ZBTB16: variants seen among roughly 807,000 people sequenced by gnomAD.
ZBTB16 encodes the protein zinc finger and BTB domain-containing protein 16.
In ZBTB16, 8 loss-of-function variants were observed where a neutral mutation model predicts 56.8. The ratio of observed to expected loss-of-function variants is 0.14; its 90% CI spans 0.08 to 0.25. The LOEUF (loss-of-function observed/expected upper bound fraction) is 0.25. ZBTB16 is among the 10% of genes least tolerant of loss of function. The pLI is 1.00. For synonymous variants in ZBTB16, 363 were observed against 368.5 expected (o/e 0.98, Z 0.17); for missense variants, 625 against 903.0 (o/e 0.69, Z 3.95).
At chr11:114,182,906 A>G (rs973714972) in intron 3 of ZBTB16, among the ~76,000 whole-genome samples, 3 of 152,186 alleles carry the variant, frequency 2.0e-5, no homozygotes, top group African/African-American at 7.2e-5. Context: ...TGAGGCCTCT[A>G]TTATCGATCA....
At chr11:114,166,105 T>C (rs1024721721) in intron 3 of ZBTB16, among the ~76,000 whole-genome samples, 1 of 152,048 alleles carries the variant, frequency 6.6e-6, no homozygotes, top group African/African-American at 2.4e-5. Flanking sequence ...CATTCACTCC[T>C]CTCCCAGGTG....
chr11:114,149,478 A>T lies in ZBTB16; in HGVS notation c.1269-6859A>T, dbSNP rs1457522205. ...GCTGTGTGCTCCCAAAACCTGCAGCATGGAAGGTGTTAACTAGCACTCAGT... is the reference window on the plus strand; with the variant it reads ...GCTGTGTGCTCCCAAAACCTGCAGCTTGGAAGGTGTTAACTAGCACTCAGT... On this transcript the variant is annotated intron_variant, in intron 2 of 6. Coordinates refer to ENST00000335953, the MANE Select transcript of ZBTB16 (RefSeq NM_006006.6). Among the ~76,000 whole-genome samples the T allele has an allele frequency of 3.3e-5, 5 of 152,298 alleles. No homozygotes were observed. The South Asian group carries it at 1.0e-3, about 32-fold the overall frequency.
chr11:114,169,986 T>G (rs1380851586), intron 3 of ZBTB16, among the ~76,000 whole-genome samples: 1 of 152,152 alleles, frequency 6.6e-6, no homozygotes, highest in African/African-American at 2.4e-5. Context: ...TGGCAGAGAC[T>G]TAGAGCCCAG....
At chr11:114,190,961 A>G (rs1943478206) in intron 4 of ZBTB16, among the ~76,000 whole-genome samples, 1 of 152,170 alleles carries the variant, frequency 6.6e-6, no homozygotes, top group Non-Finnish European at 1.5e-5. Context: ...GAAGCTTACA[A>G]TCATGGTGGA....
chr11:114,118,052 A>G (rs1176226808), intron 2 of ZBTB16, among the ~76,000 whole-genome samples: 1 of 152,210 alleles, frequency 6.6e-6, no homozygotes. Context: ...GTGTAGAGGC[A>G]CAACTGACTT....
intron 2 of ZBTB16, among the ~76,000 whole-genome samples, chr11:114,123,177 C>G (rs1941392548): frequency 6.6e-6 from 1 of 152,068 alleles, no homozygotes; most frequent in South Asian, 2.1e-4. Context: ...GTTCTGTCTC[C>G]AAATAACAGT....
chr11:114,193,885 G>A (rs912636689), intron 4 of ZBTB16, among the ~76,000 whole-genome samples: 1 of 152,204 alleles, frequency 6.6e-6, no homozygotes, highest in East Asian at 1.9e-4. Flanking sequence ...CCATTTAACA[G>A]ATGAGACCAT....
At chr11:114,248,323 T>G (rs986563097) in intron 6 of ZBTB16, among the ~76,000 whole-genome samples, 1 of 152,252 alleles carries the variant, frequency 6.6e-6, no homozygotes, top group African/African-American at 2.4e-5. Context: ...GGAGCTTGCT[T>G]GTGAAAGCTA....
At chr11:114,104,571 C>T (rs972966403) in intron 2 of ZBTB16, among the ~76,000 whole-genome samples, 11 of 152,076 alleles carry the variant, frequency 7.2e-5, no homozygotes, top group East Asian at 1.9e-4. Context: ...GTTTGCTGTG[C>T]GTTTTCCAGA....
chr11:114,228,755 C>T (rs1475083123), intron 4 of ZBTB16, among the ~76,000 whole-genome samples: 3 of 152,226 alleles, frequency 2.0e-5, no homozygotes, highest in Admixed American at 6.5e-5. Flanking sequence ...TGGGCGGGGC[C>T]GGTGCCCCCT....
intron 4 of ZBTB16, among the ~76,000 whole-genome samples, chr11:114,215,284 T>G (rs1187516241): frequency 6.6e-6 from 1 of 152,238 alleles, no homozygotes. Context: ...GAAGTTGGCC[T>G]TCTTGCTTCT....
chr11:114,209,455 C>T, intron 4 of ZBTB16: 1 of 985,368 alleles, frequency 1.0e-6, no homozygotes, highest in South Asian at 4.7e-5. Context: ...TCAGAGCCTT[C>T]ACATTCCGGA....
chr11:114,131,610 A>G (rs560685022), intron 2 of ZBTB16, among the ~76,000 whole-genome samples: 2 of 152,338 alleles, frequency 1.3e-5, no homozygotes, highest in South Asian at 2.1e-4. Flanking sequence ...CATGAGGGCC[A>G]CACTAGCTTT....
At chr11:114,138,466 A>G (rs1170558254) in intron 2 of ZBTB16, among the ~76,000 whole-genome samples, 3 of 152,150 alleles carry the variant, frequency 2.0e-5, no homozygotes, top group African/African-American at 7.2e-5. Flanking sequence ...TTCCTGTCAT[A>G]CATTATTAGT....
intron 4 of ZBTB16, among the ~76,000 whole-genome samples, chr11:114,241,632 G>T (rs1944705762): frequency 6.6e-6 from 1 of 152,186 alleles, no homozygotes; most frequent in Admixed American, 6.5e-5. Context: ...GGGGACCACT[G>T]CTCTGTGGGA....
At chr11:114,203,270 A>G (rs1298184492) in intron 4 of ZBTB16, among the ~76,000 whole-genome samples, 1 of 152,246 alleles carries the variant, frequency 6.6e-6, no homozygotes, top group East Asian at 1.9e-4. Flanking sequence ...CTAGACAGTT[A>G]GTAGATTAGT....
chr11:114,154,328 A>G lies in ZBTB16; in HGVS notation c.1269-2009A>G, dbSNP rs1402091878. On this transcript the variant is annotated intron_variant, in intron 2 of 6. Transcript: ENST00000335953. The stretch of plus-strand genomic sequence containing the variant: ...TAACAAACCCCTGGTGAAGAAAAGG[A>G]TGAAAATAAACTGAAACCCTTATGT... 3.3e-5 allele frequency among the ~76,000 whole-genome samples: 5 copies of G among 152,330 alleles called. No homozygotes were observed. In the East Asian group the frequency reaches 9.6e-4, roughly 29 times the overall value.
chr11:114,082,019 C>A lies in ZBTB16; in HGVS notation c.1268+17451C>A, dbSNP rs548864931. Among the ~76,000 whole-genome samples the A allele has an allele frequency of 7.9e-5, 12 of 151,532 alleles. No homozygotes were observed. The South Asian group carries it at 2.5e-3, about 32-fold the overall frequency. On this transcript the variant is annotated intron_variant, in intron 2 of 6. Transcript: ENST00000335953. ...TGAACTGGCTGGGTGCAGTGGCTCA[C>A]ACCTGTCATCCCAGTGCTTTGGGAG... is the stretch of plus-strand genomic sequence containing the variant.
chr11:114,139,556 C>G (rs1054956582), intron 2 of ZBTB16, among the ~76,000 whole-genome samples: 2 of 151,874 alleles, frequency 1.3e-5, no homozygotes, highest in African/African-American at 2.4e-5. Context: ...CCTTCTCCCC[C>G]CCCAAAGACC....
Sources: allele counts gnomAD v4.1 joint callset (sites outside exome capture counted in the v4.1 genomes callset), GRCh38; gene constraint gnomAD v4.1.1; transcripts MANE v1.5; gene names NCBI Gene and HGNC (gene_info 2026-07-23, HGNC 2026-07-21).